Variants in CLPB observed in about 807,000 individuals in gnomAD.
CLPB encodes the protein ClpB family mitochondrial disaggregase, also known as mitochondrial disaggregase.
In CLPB, 40 loss-of-function variants were observed where a neutral mutation model predicts 78.4. That is an observed-to-expected ratio of 0.51 (90% CI 0.40 to 0.66). The LOEUF (loss-of-function observed/expected upper bound fraction) is 0.66, where lower values mean the gene tolerates loss of function less well. Among genes scored for constraint, CLPB ranks in the 30% least tolerant of loss-of-function variants. The pLI is 0.00. For missense variants in CLPB, 780 were observed against 886.9 expected, an observed-to-expected ratio of 0.88 and a Z score of 1.53; for synonymous variants, 333 against 348.0, an observed-to-expected ratio of 0.96 and a Z score of 0.48.
At chr11:72,302,401 G>C (rs1949674547) in intron 9 of CLPB, 53 bp from the exon 10 acceptor site, 1 of 1,538,316 alleles carries the variant, frequency 6.5e-7, no homozygotes, top group Admixed American at 1.7e-5. Flanking sequence ...AAAGTGAAGA[G>C]AAGGGTTAGG....
intron 2 of CLPB, among the ~76,000 whole-genome samples, chr11:72,407,867 T>C (rs2135099995): frequency 6.6e-6 from 1 of 152,250 alleles, no homozygotes; most frequent in South Asian, 2.1e-4. Flanking sequence ...CAGGATGGTC[T>C]TGATCTCCTG....
At chr11:72,430,543 AC>A in intron 1 of CLPB, 180 bp from the exon 2 acceptor site, 1 of 590,864 alleles carries the variant, frequency 1.7e-6, no homozygotes, top group Non-Finnish European at 3.0e-6. Flanking sequence ...TCCACTGTTA[AC>A]AACCTGACTT....
chr11:72,342,197 A>T (rs1420562982), intron 5 of CLPB, among the ~76,000 whole-genome samples: 1 of 152,348 alleles, frequency 6.6e-6, no homozygotes, highest in East Asian at 1.9e-4. Context: ...ATTAAGCATC[A>T]ACAAAGCTAT....
intron 5 of CLPB, among the ~76,000 whole-genome samples, chr11:72,349,504 C>T (rs1482375759): frequency 1.3e-5 from 2 of 152,148 alleles, no homozygotes; most frequent in African/African-American, 4.8e-5. Context: ...GAAGCAAACT[C>T]CTTTTGGGAA....
chr11:72,299,069 AT>A (rs1949608586), intron 11 of CLPB, among the ~76,000 whole-genome samples: 1 of 152,082 alleles, frequency 6.6e-6, no homozygotes, highest in Non-Finnish European at 1.5e-5. Flanking sequence ...CACCTTCAAC[AT>A]TTCCACACCT....
chr11:72,401,724 C>A (rs1012765544), intron 3 of CLPB, among the ~76,000 whole-genome samples: 3 of 152,212 alleles, frequency 2.0e-5, no homozygotes, highest in South Asian at 4.1e-4. Flanking sequence ...GAAATTGGTA[C>A]CTCCAACTAT....
intron 5 of CLPB, among the ~76,000 whole-genome samples, chr11:72,335,843 T>C (rs1015632038): frequency 6.6e-6 from 1 of 152,174 alleles, no homozygotes; most frequent in Admixed American, 6.5e-5. Context: ...ACACAGAACA[T>C]GGCTGTTCTT....
chr11:72,294,628 T>C lies in CLPB; in HGVS notation c.1552A>G (p.Ile518Val), dbSNP rs1949516441. The part of the protein sequence containing the change: ...KNFKENVIRP[I>V]LKAHFRRDEF... Reference sequence around the variant, plus strand: ...CAAGAAAGACCTCTTACTTTCAGGATAGGGCGAATCACATTCTCCTTGAAG... The same window carrying C: ...CAAGAAAGACCTCTTACTTTCAGGACAGGGCGAATCACATTCTCCTTGAAG... The change falls in exon 13 of 16, where the codon ATC (isoleucine) becomes GTC (valine). Residue 518 changes from isoleucine to valine, a missense_variant. Ile to Val is a conservative substitution (Grantham distance 29, BLOSUM62 3). Coordinates refer to ENST00000538039, the MANE Select transcript of CLPB (RefSeq NM_001258392.3). 2 of 1,614,060 alleles carry C rather than the reference T, an allele frequency of 1.2e-6. No homozygotes were observed. Among genetic ancestry groups the C allele is most frequent in the South Asian group, 1.1e-5 (1 of 91,076 alleles).
chr11:72,366,272 T>G (rs1256019957), intron 4 of CLPB, among the ~76,000 whole-genome samples: 1 of 152,224 alleles, frequency 6.6e-6, no homozygotes, highest in Non-Finnish European at 1.5e-5. Flanking sequence ...TGGAGTACAA[T>G]GGTGTGACCT....
intron 4 of CLPB, among the ~76,000 whole-genome samples, chr11:72,379,960 G>A (rs139731807): frequency 6.7e-4 from 102 of 152,272 alleles, no homozygotes; most frequent in Middle Eastern, 3.4e-3. Context: ...AATCTGCTCC[G>A]TTGTCCACTC....
chr11:72,325,617 T>A (rs80120420), intron 6 of CLPB, among the ~76,000 whole-genome samples: 6,875 of 152,190 alleles, frequency 0.045, 433 homozygotes, highest in African/African-American at 0.15. Context: ...AAATAAAAAA[T>A]TAGGCTTATG....
At chr11:72,313,650 GGGCAACCTGCAGAAGGCCTA>G (rs1949887359) in intron 7 of CLPB, among the ~76,000 whole-genome samples, 1 of 152,218 alleles carries the variant, frequency 6.6e-6, no homozygotes, top group Non-Finnish European at 1.5e-5. Context: ...GGACTGAGGA[GGGCAACCTGCAGAAGGCCTA>G]GGTCTCTTCT....
At chr11:72,395,784 G>T (rs1295214851) in intron 3 of CLPB, among the ~76,000 whole-genome samples, 2 of 152,154 alleles carry the variant, frequency 1.3e-5, no homozygotes, top group African/African-American at 4.8e-5. Flanking sequence ...GTTCCCTAAG[G>T]ACCTACTTTC....
At chr11:72,427,348 A>G (rs765845570) in intron 2 of CLPB, among the ~76,000 whole-genome samples, 76 of 152,154 alleles carry the variant, frequency 5.0e-4, no homozygotes, top group Non-Finnish European at 9.4e-4. Flanking sequence ...GACATTATTT[A>G]CGAGGTCTGA....
rs67807556 is a variant in CLPB at position 72,297,636 on chromosome 11, G to GGTGTGTGTGTGTGTGTGTGT, written c.1330-2008_1330-1989dup. On this transcript the variant is annotated intron_variant, in intron 11 of 15. Coordinates refer to ENST00000538039, the MANE Select transcript of CLPB (RefSeq NM_001258392.3). Reference sequence around the variant, plus strand: ...AGGGCAGTTCTAGTTTTGGGGACCAGGTGTGTGTGTGTGTGTGTGTGTGTG... The same window carrying GGTGTGTGTGTGTGTGTGTGT: ...AGGGCAGTTCTAGTTTTGGGGACCAGGTGTGTGTGTGTGTGTGTGTGTGTGTGTGTGTGTGTGTGTGTGTG... Among the ~76,000 whole-genome samples, 37 of 93,468 alleles carry GGTGTGTGTGTGTGTGTGTGT rather than the reference G, an allele frequency of 4.0e-4. 1 individual carries two copies. Among genetic ancestry groups the GGTGTGTGTGTGTGTGTGTGT allele is most frequent in the Middle Eastern group, 6.2e-3 (1 of 162 alleles). 61.3% of individuals were successfully genotyped at this position (93,468 alleles called of 152,430 possible).
At chr11:72,427,684 G>A (rs1856425516) in intron 2 of CLPB, among the ~76,000 whole-genome samples, 1 of 152,154 alleles carries the variant, frequency 6.6e-6, no homozygotes, top group Non-Finnish European at 1.5e-5. Context: ...GGAGCAACAG[G>A]CTATACCATA....
chr11:72,401,121 G>GC (rs1373811171), intron 3 of CLPB, among the ~76,000 whole-genome samples: 2 of 152,298 alleles, frequency 1.3e-5, no homozygotes, highest in African/African-American at 4.8e-5. Context: ...CAACTACGAA[G>GC]CCTATTTATA....
At chr11:72,352,055 G>A (rs1325530209) in intron 5 of CLPB, among the ~76,000 whole-genome samples, 1 of 152,038 alleles carries the variant, frequency 6.6e-6, no homozygotes, top group African/African-American at 2.4e-5. Flanking sequence ...CCACACTCTC[G>A]AGGTTAAGCA....
chr11:72,356,109 C>T (rs1950708124), intron 5 of CLPB, among the ~76,000 whole-genome samples: 1 of 151,988 alleles, frequency 6.6e-6, no homozygotes, highest in African/African-American at 2.4e-5. Flanking sequence ...TGGAGAAACC[C>T]TACCTCTACT....
Sources: gnomAD v4.1 joint callset for allele counts (sites outside exome capture counted in the v4.1 genomes callset) on GRCh38, gnomAD v4.1.1 for gene constraint, MANE v1.5 for transcripts, NCBI Gene and HGNC (gene_info 2026-07-23, HGNC 2026-07-21) for gene names.